NFIB: variants seen among roughly 807,000 people sequenced by gnomAD.
The protein encoded by NFIB is nuclear factor I B.
In NFIB, 11 loss-of-function variants were observed where a neutral mutation model predicts 61.5. The ratio of observed to expected loss-of-function variants is 0.18; its 90% confidence interval spans 0.11 to 0.30. The LOEUF (loss-of-function observed/expected upper bound fraction) is 0.30, where lower values mean the gene tolerates loss of function less well. NFIB is among the 10% of genes least tolerant of loss of function. NFIB has a pLI of 1.00. For synonymous variants in NFIB, 260 were observed against 216.5 expected, an observed-to-expected ratio of 1.20 and a Z score of -1.76; for missense variants, 471 against 608.9, an observed-to-expected ratio of 0.77 and a Z score of 2.38.
At chr9:14,377,693 A>G (rs545317098) in intron 1 of NFIB, among the ~76,000 whole-genome samples, 1 of 152,222 alleles carries the variant, frequency 6.6e-6, no homozygotes, top group African/African-American at 2.4e-5. Flanking sequence ...AAATTTTAAG[A>G]GGAAGGAAAA....
chr9:14,135,526 G>A (rs1052997822), intron 6 of NFIB, among the ~76,000 whole-genome samples: 1 of 152,152 alleles, frequency 6.6e-6, no homozygotes, highest in Non-Finnish European at 1.5e-5. Context: ...TGGCAAATGT[G>A]AACAAGTCCT....
the NFIB span, among the ~76,000 whole-genome samples, chr9:14,477,191 G>A: frequency 6.6e-6 from 1 of 152,082 alleles, no homozygotes; most frequent in East Asian, 1.9e-4. Flanking sequence ...ATTCCATAAA[G>A]GTGTGGCATT....
intron 6 of NFIB, among the ~76,000 whole-genome samples, chr9:14,144,295 C>T (rs1247959163): frequency 6.6e-6 from 1 of 152,158 alleles, no homozygotes; most frequent in Non-Finnish European, 1.5e-5. Context: ...AGAACACCTA[C>T]ACTTCTGAAT....
At chr9:14,176,516 A>G (rs1255421629) in intron 3 of NFIB, among the ~76,000 whole-genome samples, 1 of 152,196 alleles carries the variant, frequency 6.6e-6, no homozygotes, top group Non-Finnish European at 1.5e-5. Flanking sequence ...AAGAAATACC[A>G]TAAAGGCTAC....
At chr9:14,121,390 T>C (rs1037592970) in intron 7 of NFIB, among the ~76,000 whole-genome samples, 8 of 152,176 alleles carry the variant, frequency 5.3e-5, no homozygotes, top group Non-Finnish European at 8.8e-5. Flanking sequence ...AGCCAAAAAT[T>C]TTCTACCAAA....
the NFIB span, among the ~76,000 whole-genome samples, chr9:14,474,366 G>A: frequency 6.6e-6 from 1 of 152,110 alleles, no homozygotes; most frequent in African/African-American, 2.4e-5. Context: ...TTCCATTCAT[G>A]ACGGTTTCAT....
At chr9:14,238,399 C>T (rs74869181) in intron 2 of NFIB, among the ~76,000 whole-genome samples, 1 of 152,058 alleles carries the variant, frequency 6.6e-6, no homozygotes, top group Non-Finnish European at 1.5e-5. Context: ...GAGTTTAATA[C>T]GTAAGGTTAC....
At chr9:14,228,962 G>C (rs2052780968) in intron 2 of NFIB, among the ~76,000 whole-genome samples, 1 of 149,222 alleles carries the variant, frequency 6.7e-6, no homozygotes, top group Non-Finnish European at 1.5e-5. Flanking sequence ...TCAGGTAGTT[G>C]TTTTTATTAT....
the NFIB span, among the ~76,000 whole-genome samples, chr9:14,466,921 G>A: frequency 6.6e-6 from 1 of 152,158 alleles, no homozygotes; most frequent in Non-Finnish European, 1.5e-5. Context: ...AACAAGCCAA[G>A]GCTGGGGTTA....
rs149696593 is a variant in NFIB, at chr9:14,150,696, G to A, written c.686-431C>T. The stretch of plus-strand genomic sequence containing the variant: ...TTGTTAAATAAATAAACAGAGAACC[G>A]TTTCACAAAAAAAAGCAAAAATCAT... On this transcript the variant is annotated intron_variant, in intron 4 of 10. Transcript: ENST00000380953. 5.9e-5 allele frequency among the ~76,000 whole-genome samples: 9 copies of A among 151,812 alleles called. No individual in the cohort carries two copies. The South Asian group carries it at 1.0e-3, about 18-fold the overall frequency.
intron 1 of NFIB, chr9:14,321,883 G>A: frequency 8.1e-7 from 1 of 1,231,314 alleles, no homozygotes; most frequent in East Asian, 3.2e-5. Context: ...GGGATAGGAG[G>A]GGGTGCAAAG....
At chr9:14,141,523 T>C (rs2041700346) in intron 6 of NFIB, among the ~76,000 whole-genome samples, 1 of 152,192 alleles carries the variant, frequency 6.6e-6, no homozygotes, top group African/African-American at 2.4e-5. Context: ...TTATTTATTT[T>C]AGTCCCCGAT....
At chr9:14,292,905 C>T (rs1258462685) in intron 2 of NFIB, among the ~76,000 whole-genome samples, 1 of 152,010 alleles carries the variant, frequency 6.6e-6, no homozygotes, top group African/African-American at 2.4e-5. Flanking sequence ...CTCCTATATG[C>T]ATCTTAATAA....
At chr9:14,213,217 G>A (rs149753918) in intron 2 of NFIB, among the ~76,000 whole-genome samples, 2 of 152,232 alleles carry the variant, frequency 1.3e-5, no homozygotes, top group African/African-American at 4.8e-5. Context: ...TCAGGTAACT[G>A]GTATTTCTTG....
intron 2 of NFIB, among the ~76,000 whole-genome samples, chr9:14,240,129 T>C (rs953371066): frequency 6.6e-6 from 1 of 152,150 alleles, no homozygotes; most frequent in Non-Finnish European, 1.5e-5. Context: ...ATATATAAAT[T>C]GCATACATAA....
At chr9:14,401,351 T>G (rs2061741283), upstream of NFIB, among the ~76,000 whole-genome samples, 1 of 152,162 alleles carries the variant, frequency 6.6e-6, no homozygotes, top group Non-Finnish European at 1.5e-5. Flanking sequence ...GACACTGGGT[T>G]TGTGAAATTT....
upstream of NFIB, among the ~76,000 whole-genome samples, chr9:14,399,254 C>G (rs910750125): frequency 2.6e-5 from 4 of 152,140 alleles, no homozygotes; most frequent in African/African-American, 7.2e-5. Flanking sequence ...GTTTAAGGCT[C>G]ACATTATATA....
chr9:14,367,722 C>A (rs924210446), intron 1 of NFIB, among the ~76,000 whole-genome samples: 3 of 152,112 alleles, frequency 2.0e-5, no homozygotes, highest in African/African-American at 7.2e-5. Flanking sequence ...AGTTCATGTC[C>A]TTTGCAGGGA....
intron 1 of NFIB, among the ~76,000 whole-genome samples, chr9:14,392,971 T>C (rs2061642464): frequency 1.3e-5 from 2 of 152,246 alleles, no homozygotes; most frequent in South Asian, 2.1e-4. Context: ...TGTTTATTCA[T>C]GTTTTTACAA....
Sources: allele counts gnomAD v4.1 joint callset (sites outside exome capture counted in the v4.1 genomes callset), GRCh38; gene constraint gnomAD v4.1.1; transcripts MANE v1.5; gene names NCBI Gene and HGNC (gene_info 2026-07-23, HGNC 2026-07-21).